TMEM232: variants seen among roughly 807,000 people sequenced by gnomAD.
TMEM232 encodes transmembrane protein 232.
TMEM232 carries 80 observed loss-of-function variants against 78.8 expected under a neutral mutation model. The ratio of observed to expected loss-of-function variants is 1.01; its 90% CI spans 0.85 to 1.22. TMEM232 has a LOEUF of 1.22. TMEM232 is among the 50% of genes most tolerant of loss of function. The pLI, the probability that TMEM232 is intolerant of heterozygous loss-of-function variation, is 0.00. For synonymous variants in TMEM232, 297 were observed against 254.3 expected, an observed-to-expected ratio of 1.17 and a Z score of -1.60; for missense variants, 881 against 742.2, an observed-to-expected ratio of 1.19 and a Z score of -2.17.
intron 1 of TMEM232, among the ~76,000 whole-genome samples, chr5:110,724,927 G>T (rs868729801): frequency 7.2e-5 from 11 of 152,202 alleles, no homozygotes; most frequent in African/African-American, 2.2e-4. Flanking sequence ...GATTTAGCAA[G>T]TGATTTATTA....
At chr5:110,681,820 C>T (rs967380201) in intron 1 of TMEM232, among the ~76,000 whole-genome samples, 2 of 152,126 alleles carry the variant, frequency 1.3e-5, no homozygotes, top group Non-Finnish European at 2.9e-5. Context: ...AGTCTTGAAC[C>T]ATCTATTAAA....
chr5:110,447,700 G>A lies in TMEM232; in HGVS notation c.1704-22784C>T, dbSNP rs189060048. Among the ~76,000 whole-genome samples, 8 of 152,118 alleles carry A rather than the reference G, an allele frequency of 5.3e-5. No homozygotes were observed. The South Asian group carries it at 6.2e-4, about 12-fold the overall frequency. ...ATTTATAAAATAGGGGCTGAAAGTC[G>A]CAAGAATAGAAAAGTCAGAGGAAAA... is the stretch of plus-strand genomic sequence containing the variant. On this transcript the variant is annotated intron_variant, in intron 12 of 13. Transcript: ENST00000455884.
At chr5:110,693,218 C>G (rs1052045166) in intron 1 of TMEM232, among the ~76,000 whole-genome samples, 5 of 152,198 alleles carry the variant, frequency 3.3e-5, no homozygotes, top group Non-Finnish European at 7.3e-5. Flanking sequence ...CTCCAGCAAA[C>G]TCCAACAGAC....
chr5:110,501,822 T>C lies in TMEM232; in HGVS notation c.1703+26766A>G, dbSNP rs143340269. On this transcript the variant is annotated intron_variant, in intron 12 of 13. Coordinates refer to ENST00000455884, the MANE Select transcript of TMEM232 (RefSeq NM_001039763.4). The stretch of plus-strand genomic sequence containing the variant: ...CTATCAAAGTGTAAAAGAGGTGGTT[T>C]GTGGAAAACAAGCACCATCAGAAGT... 7.6e-4 allele frequency among the ~76,000 whole-genome samples: 115 copies of C among 152,272 alleles called. 1 individual carries two copies. Among genetic ancestry groups the C allele is most frequent in the African/African-American group, 2.7e-3 (112 of 41,562 alleles).
In TMEM232 at chr5:110,624,316, A is replaced by C. The variant is rs184181044; in HGVS notation, c.768+951T>G. 2.0e-4 allele frequency among the ~76,000 whole-genome samples: 30 copies of C among 152,076 alleles called. No homozygotes were observed. In the East Asian group the frequency reaches 2.9e-3, roughly 15 times the overall value. On this transcript the variant is annotated intron_variant, in intron 7 of 13. Coordinates refer to ENST00000455884, the MANE Select transcript of TMEM232 (RefSeq NM_001039763.4). ...AGCACATGCTGGTTTTTTTTTCTGC[A>C]ATCTTTATAACAACCCTGTAAAAGA...
intron 2 of TMEM232, among the ~76,000 whole-genome samples, chr5:110,652,968 AACTG>A (rs1788545679): frequency 1.3e-5 from 2 of 152,222 alleles, no homozygotes; most frequent in African/African-American, 4.8e-5. Context: ...ATGCCATCCA[AACTG>A]ACTGTATTTA....
chr5:110,428,417 A>G (rs1276217333), intron 12 of TMEM232, among the ~76,000 whole-genome samples: 1 of 151,776 alleles, frequency 6.6e-6, no homozygotes, highest in African/African-American at 2.4e-5. Context: ...TGGTAGTTTT[A>G]TAACACAGGA....
chr5:110,694,788 C>G (rs1580699174), intron 1 of TMEM232, among the ~76,000 whole-genome samples: 1 of 152,044 alleles, frequency 6.6e-6, no homozygotes, highest in African/African-American at 2.4e-5. Flanking sequence ...ACAGGAGCAC[C>G]AAGATTCATA....
intron 12 of TMEM232, among the ~76,000 whole-genome samples, chr5:110,481,164 T>C (rs1763818090): frequency 1.3e-5 from 2 of 152,144 alleles, no homozygotes; most frequent in South Asian, 4.1e-4. Flanking sequence ...TTAATGTTTA[T>C]AGATTTAAAG....
intron 12 of TMEM232, among the ~76,000 whole-genome samples, chr5:110,508,564 T>C (rs1050659506): frequency 6.6e-5 from 10 of 151,130 alleles, no homozygotes; most frequent in African/African-American, 2.4e-4. Context: ...TGGTCATTAG[T>C]ATTCCTCATG....
At chr5:110,660,541 A>C (rs568081037) in intron 2 of TMEM232, among the ~76,000 whole-genome samples, 16 of 152,308 alleles carry the variant, frequency 1.1e-4, no homozygotes, top group African/African-American at 3.8e-4. Context: ...AAATAAAAAG[A>C]AACACTGATT....
chr5:110,726,450 G>A (rs1798163762), intron 1 of TMEM232, among the ~76,000 whole-genome samples, 177 bp downstream of exon 1: 1 of 152,164 alleles, frequency 6.6e-6, no homozygotes, highest in South Asian at 2.1e-4. Context: ...CCAGATAGCA[G>A]GCCCAGCCTG....
chr5:110,507,156 TA>T (rs1395275566), intron 12 of TMEM232, among the ~76,000 whole-genome samples: 1 of 152,174 alleles, frequency 6.6e-6, no homozygotes, highest in Non-Finnish European at 1.5e-5. Flanking sequence ...TTGGGATTAT[TA>T]ATAGAGTAGT....
chr5:110,471,511 A>C (rs1762679056), intron 12 of TMEM232, among the ~76,000 whole-genome samples: 1 of 152,080 alleles, frequency 6.6e-6, no homozygotes, highest in Non-Finnish European at 1.5e-5. Context: ...CAGCAAGAAA[A>C]AAGCAGAGTC....
At chr5:110,613,682 G>A (rs1284471495) in intron 8 of TMEM232, among the ~76,000 whole-genome samples, 2 of 151,958 alleles carry the variant, frequency 1.3e-5, no homozygotes, top group African/African-American at 2.4e-5. Flanking sequence ...CTGAATACAT[G>A]CAGTTCATTT....
chr5:110,433,461 A>C (rs77840466), intron 12 of TMEM232, among the ~76,000 whole-genome samples: 5,440 of 151,798 alleles, frequency 0.036, 262 homozygotes, highest in East Asian at 0.22. Flanking sequence ...CCAAAAACTC[A>C]GGGATGCATC....
At chr5:110,560,749 T>C (rs1245369538) in intron 11 of TMEM232, among the ~76,000 whole-genome samples, 1 of 152,204 alleles carries the variant, frequency 6.6e-6, no homozygotes, top group Non-Finnish European at 1.5e-5. Context: ...CTTTTTCACA[T>C]TATACCAATG....
chr5:110,414,945 G>T (rs981554940), downstream of TMEM232, among the ~76,000 whole-genome samples: 1 of 152,114 alleles, frequency 6.6e-6, no homozygotes, highest in Non-Finnish European at 1.5e-5. Context: ...TAATACCAGA[G>T]ACCTGTCTCC....
chr5:110,418,203 A>AAAT (rs1367610342), downstream of TMEM232: 1 of 152,172 alleles, frequency 6.6e-6, no homozygotes, highest in African/African-American at 2.4e-5. Flanking sequence ...TTTTTACATT[A>AAAT]AATTCTCTCT....
Sources: gnomAD v4.1 joint callset for allele counts (sites outside exome capture counted in the v4.1 genomes callset) on GRCh38, gnomAD v4.1.1 for gene constraint, MANE v1.5 for transcripts, NCBI Gene and HGNC (gene_info 2026-07-23, HGNC 2026-07-21) for gene names.